Variants in DCC observed in about 807,000 individuals in gnomAD.
The protein encoded by DCC is DCC netrin 1 receptor.
In DCC, 58 loss-of-function variants were observed where a neutral mutation model predicts 172.5. The observed-to-expected ratio is 0.34, with a 90% CI of 0.27 to 0.42. The LOEUF (loss-of-function observed/expected upper bound fraction) is 0.42. DCC is among the 10% of genes least tolerant of loss of function. The probability of loss-of-function intolerance (pLI) is 1.00; values close to 1 mark genes in which losing one functional copy is unlikely to be tolerated. For missense variants in DCC, 1,740 were observed against 1,791.0 expected (o/e 0.97, Z 0.51); for synonymous variants, 709 against 644.5 (o/e 1.10, Z -1.52).
In DCC at chr18:53,119,064, A is replaced by G. The variant is rs1371976994; in HGVS notation, c.1262-38292A>G. 4.0e-5 allele frequency among the ~76,000 whole-genome samples: 6 copies of G among 151,856 alleles called. No individual in the cohort carries two copies. In the East Asian group the frequency reaches 9.8e-4, roughly 25 times the overall value. On this transcript the variant is annotated intron_variant, in intron 7 of 28. Transcript: ENST00000442544. ...TAGAAGTAAAGGCTTATTCCAGTGT[A>G]TTATTTTTAGCATCTTGAGGAAGGT...
intron 2 of DCC, among the ~76,000 whole-genome samples, chr18:52,883,326 T>TTTA (rs2039516767): frequency 1.6e-5 from 1 of 61,922 alleles, no homozygotes; most frequent in African/African-American, 5.1e-5. Flanking sequence ...TTATTTTATT[T>TTTA]TTTATTTATT....
At chr18:53,234,636 T>C (rs1382627009) in intron 12 of DCC, among the ~76,000 whole-genome samples, 1 of 152,118 alleles carries the variant, frequency 6.6e-6, no homozygotes, top group South Asian at 2.1e-4. Context: ...GCCCCTCATT[T>C]TCAAGACTGT....
At chr18:53,091,187 T>C (rs1300756668) in intron 7 of DCC, among the ~76,000 whole-genome samples, 1 of 151,902 alleles carries the variant, frequency 6.6e-6, no homozygotes, top group Non-Finnish European at 1.5e-5. Context: ...AATTTGATGC[T>C]TTGTGTACTT....
intron 16 of DCC, among the ~76,000 whole-genome samples, 192 bp from the exon 17 acceptor site, chr18:53,391,463 A>G (rs1221274195): frequency 1.3e-5 from 2 of 152,202 alleles, no homozygotes; most frequent in Non-Finnish European, 2.9e-5. Flanking sequence ...CTTTTTTGCA[A>G]TATAGCAATA....
At chr18:53,074,830 G>T (rs1371388954) in intron 7 of DCC, among the ~76,000 whole-genome samples, 3 of 151,982 alleles carry the variant, frequency 2.0e-5, no homozygotes, top group Non-Finnish European at 4.4e-5. Flanking sequence ...AAAATGTATT[G>T]GAATATAGTG....
chr18:53,050,008 C>A (rs892356966), intron 5 of DCC, among the ~76,000 whole-genome samples: 2 of 152,034 alleles, frequency 1.3e-5, no homozygotes, highest in Non-Finnish European at 2.9e-5. Flanking sequence ...GGCCAAAGGC[C>A]TGAGAGCGCC....
At chr18:53,337,979 T>C (rs369040761) in intron 14 of DCC, among the ~76,000 whole-genome samples, 51 of 152,354 alleles carry the variant, frequency 3.3e-4, no homozygotes, top group African/African-American at 1.2e-3. Context: ...AGAATCACTT[T>C]AATAAAATTC....
At chr18:53,172,464 A>G (rs1171954574) in intron 8 of DCC, among the ~76,000 whole-genome samples, 1 of 152,170 alleles carries the variant, frequency 6.6e-6, no homozygotes, top group Non-Finnish European at 1.5e-5. Context: ...CCAGAATCTA[A>G]AATAATGAAA....
intron 14 of DCC, among the ~76,000 whole-genome samples, chr18:53,328,151 T>C (rs2057489528): frequency 6.6e-6 from 1 of 152,222 alleles, no homozygotes; most frequent in East Asian, 1.9e-4. Flanking sequence ...ACAGGTTGCT[T>C]TGACTTAGAT....
At chr18:52,554,573 G>C (rs1408436782) in intron 1 of DCC, among the ~76,000 whole-genome samples, 1 of 152,024 alleles carries the variant, frequency 6.6e-6, no homozygotes, top group African/African-American at 2.4e-5. Context: ...CAATGATTGG[G>C]GATTTTAGTT....
chr18:53,046,650 A>T (rs563597069), intron 5 of DCC, among the ~76,000 whole-genome samples: 1 of 152,096 alleles, frequency 6.6e-6, no homozygotes, highest in Non-Finnish European at 1.5e-5. Context: ...CACCTACAGT[A>T]ACACTTGAAG....
chr18:52,497,278 A>ATATATAT (rs2030807911), intron 1 of DCC, among the ~76,000 whole-genome samples: 1 of 60,990 alleles, frequency 1.6e-5, no homozygotes, highest in African/African-American at 8.0e-5. Flanking sequence ...AAAAAAAAAA[A>ATATATAT]AAATATATAT....
intron 28 of DCC, among the ~76,000 whole-genome samples, chr18:53,529,206 C>T (rs1016582676): frequency 2.0e-5 from 3 of 152,118 alleles, no homozygotes; most frequent in Admixed American, 2.0e-4. Context: ...CTATAGGAAG[C>T]TCATACATTA....
At chr18:53,003,142 A>G (rs2041592238) in intron 5 of DCC, among the ~76,000 whole-genome samples, 1 of 152,146 alleles carries the variant, frequency 6.6e-6, no homozygotes, top group African/African-American at 2.4e-5. Flanking sequence ...CAGAGGTGGA[A>G]AGTGACTTGA....
intron 1 of DCC, among the ~76,000 whole-genome samples, chr18:52,732,459 A>T (rs1051499669): frequency 6.6e-6 from 1 of 152,100 alleles, no homozygotes; most frequent in African/African-American, 2.4e-5. Flanking sequence ...GACTTCATTT[A>T]TTGTTTATTT....
chr18:52,841,428 C>G (rs917662348), intron 2 of DCC, among the ~76,000 whole-genome samples: 1 of 152,118 alleles, frequency 6.6e-6, no homozygotes. Context: ...ACTAAAATGT[C>G]TCTAAGTATT....
At chr18:53,086,427 C>T (rs1408435509) in intron 7 of DCC, among the ~76,000 whole-genome samples, 1 of 27,636 alleles carries the variant, frequency 3.6e-5, no homozygotes, top group Admixed American at 2.9e-4. Context: ...TCTTCTTCTT[C>T]CTTTCTTCTT....
chr18:53,515,315 A>G (rs2144561600), intron 27 of DCC, among the ~76,000 whole-genome samples: 1 of 150,504 alleles, frequency 6.6e-6, no homozygotes, highest in East Asian at 2.0e-4. Flanking sequence ...AATAAGAGCT[A>G]TCTATGAGAA....
intron 2 of DCC, among the ~76,000 whole-genome samples, chr18:52,829,539 A>T (rs928763247): frequency 6.6e-6 from 1 of 152,196 alleles, no homozygotes; most frequent in African/African-American, 2.4e-5. Context: ...TGGCAAGTGG[A>T]AGGGCTGAGC....
Sources: allele counts gnomAD v4.1 joint callset (sites outside exome capture counted in the v4.1 genomes callset), GRCh38; gene constraint gnomAD v4.1.1; transcripts MANE v1.5; gene names NCBI Gene and HGNC (gene_info 2026-07-23, HGNC 2026-07-21).